SYNE1: variants seen among roughly 807,000 people sequenced by gnomAD.
The protein encoded by SYNE1 is nesprin-1.
In SYNE1, 616 loss-of-function variants were observed where a neutral mutation model predicts 1,111.0. The observed-to-expected ratio is 0.55, with a 90% CI of 0.52 to 0.59. The LOEUF is 0.59. Among genes scored for constraint, SYNE1 ranks in the 20% least tolerant of loss-of-function variants. The pLI is 0.00. For missense variants in SYNE1, 10,006 were observed against 10,417.0 expected (o/e 0.96, Z 1.72); for synonymous variants, 3,855 against 3,825.8 (o/e 1.01, Z -0.28).
At position 152,381,165 on chromosome 6, in the gene SYNE1, C is replaced by T. The variant is rs757434682; in HGVS notation, c.8850G>A (p.Gln2950=). Residue 2950 remains glutamine (Q), a synonymous_variant, in exon 56 of 146, where the codon CAG becomes CAA. Coordinates refer to ENST00000367255, the MANE Select transcript of SYNE1 (RefSeq NM_182961.4). ...TQSCLENLVS[Q]MALSEQEFSG... ...AGAATTCCTGCTCCGAAAGGGCCAT[C>T]TGGCTGACCAGGTTCTCCAAACAGC... 1 of 1,614,244 alleles carries T rather than the reference C, an allele frequency of 6.2e-7. No individual in the cohort carries two copies. Among genetic ancestry groups the T allele is most frequent in the East Asian group, 2.2e-5 (1 of 44,886 alleles).
At chr6:152,507,068 T>C (rs2099061848) in intron 8 of SYNE1, among the ~76,000 whole-genome samples, 1 of 152,228 alleles carries the variant, frequency 6.6e-6, no homozygotes, top group Admixed American at 6.5e-5. Flanking sequence ...ATTTTCAAGC[T>C]TGTCTCTGGT....
chr6:152,430,086 G>A (rs199819317), intron 36 of SYNE1, 26 bp downstream of exon 36: 1 of 1,086,752 alleles, frequency 9.2e-7, no homozygotes, highest in Non-Finnish European at 1.2e-6. Context: ...TTGGTAAATA[G>A]TAGAAATGTT....
intron 141 of SYNE1, among the ~76,000 whole-genome samples, chr6:152,135,856 AG>A (rs1287004797): frequency 7.9e-5 from 12 of 152,270 alleles, no homozygotes; most frequent in Admixed American, 2.0e-4. Context: ...GGACCTACAA[AG>A]CCATCTGGTT....
At chr6:152,431,045 G>A (rs926673782) in intron 34 of SYNE1, among the ~76,000 whole-genome samples, 10 of 152,098 alleles carry the variant, frequency 6.6e-5, no homozygotes, top group African/African-American at 1.4e-4. Flanking sequence ...TGAATTAGGC[G>A]TTTTAATTAA....
chr6:152,330,633 G>T lies in SYNE1; in HGVS notation c.14052C>A (p.Thr4684=), dbSNP rs760213109. ...KEYASLIELT[T]QSLSELEAQF... ...GGGCTTCAAGTTCACTCAGAGACTGGGTTGTCAACTCAATCAAGGAAGCAT... is the reference window on the plus strand; with the variant it reads ...GGGCTTCAAGTTCACTCAGAGACTGTGTTGTCAACTCAATCAAGGAAGCAT... The change falls in exon 78 of 146, where the codon ACC becomes ACA. Residue 4684 remains threonine (T), a synonymous_variant. Coordinates refer to ENST00000367255, the MANE Select transcript of SYNE1 (RefSeq NM_182961.4). 6.2e-7 allele frequency: 1 copy of T among 1,613,574 alleles called. No individual in the cohort carries two copies. Among genetic ancestry groups the T allele is most frequent in the Non-Finnish European group, 8.5e-7 (1 of 1,180,014 alleles).
chr6:152,428,425 C>T (rs749483052), intron 36 of SYNE1, 33 bp from the exon 37 acceptor site: 1 of 1,611,110 alleles, frequency 6.2e-7, no homozygotes, highest in Non-Finnish European at 8.5e-7. Flanking sequence ...GCAGTGAAAG[C>T]ACAGGAGCCA....
Position 152,132,198 on chromosome 6 carries a change from GACC to G in SYNE1, c.26015_26017del (p.Trp8672del), listed in dbSNP as rs750444560. ...TGAGGTGTCCAGTTCATCAGCAGAA[GACC>G]AGGAAGACAAATCCTATGTGGGAGA... On this transcript the variant is annotated inframe_deletion, in exon 144 of 146. Transcript: ENST00000367255. 2.5e-6 allele frequency: 4 copies of G among 1,613,978 alleles called. No individual in the cohort carries two copies. In the African/African-American group the frequency reaches 5.3e-5, roughly 22 times the overall value.
intron 113 of SYNE1, 146 bp from the exon 114 acceptor site, chr6:152,231,713 C>G (rs2082788906): frequency 1.2e-6 from 1 of 844,254 alleles, no homozygotes; most frequent in Admixed American, 2.6e-5. Context: ...GTTCACACAA[C>G]CCATTATTTT....
intron 118 of SYNE1, 90 bp downstream of exon 118, chr6:152,221,336 C>T (rs1357371164): frequency 5.4e-6 from 8 of 1,491,638 alleles, no homozygotes; most frequent in African/African-American, 1.4e-5. Flanking sequence ...ATCTATATAG[C>T]TCAAATTCAA....
At chr6:152,183,829 G>A (rs1307529131) in intron 128 of SYNE1, among the ~76,000 whole-genome samples, 1 of 152,134 alleles carries the variant, frequency 6.6e-6, no homozygotes, top group Non-Finnish European at 1.5e-5. Context: ...CAAATTTGGG[G>A]CACTTGTTTA....
rs756880602 is a variant in SYNE1 at position 152,463,371 on chromosome 6, C to T, written c.2079G>A (p.Leu693=). The change falls in exon 19 of 146, where the codon TTG becomes TTA. Residue 693 remains leucine (L), a synonymous_variant. Coordinates refer to ENST00000367255, the MANE Select transcript of SYNE1 (RefSeq NM_182961.4). The part of the protein sequence containing the change: ...LLLLNGRWRE[L]FMEVKQYAQA... ...GACATACTTGCTTGACTTCCATAAA[C>T]AACTCCCTCCACCGCCCATTTAGCA... The T allele has an allele frequency of 6.2e-7, 1 of 1,613,634 alleles. No individual in the cohort carries two copies. Among genetic ancestry groups the T allele is most frequent in the South Asian group, 1.1e-5 (1 of 91,074 alleles).
rs145539686 is a variant in SYNE1, at chr6:152,334,485, G to A, written c.12529-212C>T. Among the ~76,000 whole-genome samples, 201 of 152,280 alleles carry A rather than the reference G, an allele frequency of 1.3e-3. 1 individual carries two copies. Among genetic ancestry groups the A allele is most frequent in the African/African-American group, 4.5e-3 (188 of 41,558 alleles). On this transcript the variant is annotated intron_variant, in intron 76 of 145. Transcript: ENST00000367255. ...TTAATTCCCACGTGTGCAAGATTCA[G>A]GGTAGCTGTGGTATATTCTTTTATT...
chr6:152,612,313 A>T (rs1402048930), intron 3 of SYNE1, among the ~76,000 whole-genome samples: 1 of 152,170 alleles, frequency 6.6e-6, no homozygotes, highest in Non-Finnish European at 1.5e-5. Flanking sequence ...GATAAAGGGG[A>T]TATCACCACA....
chr6:152,377,630 AAAAAAAAAAAATATATATATAT>A (rs1284874107), intron 56 of SYNE1, among the ~76,000 whole-genome samples: 1 of 97,586 alleles, frequency 1.0e-5, no homozygotes, highest in African/African-American at 4.9e-5. Context: ...AAAAAAAAAA[AAAAAAAAAAAATATATATATAT>A]ATATATATAT....
intron 93 of SYNE1, among the ~76,000 whole-genome samples, chr6:152,295,015 A>C (rs533489593): frequency 8.5e-5 from 13 of 152,320 alleles, no homozygotes; most frequent in African/African-American, 2.9e-4. Flanking sequence ...ATTGAGAATC[A>C]TGTATTGGTA....
chr6:152,430,568 C>T lies in SYNE1; in HGVS notation c.4603G>A (p.Glu1535Lys), dbSNP rs1209224800. 3 of 1,614,136 alleles carry T rather than the reference C, an allele frequency of 1.9e-6. No homozygotes were observed. The highest frequency in any genetic ancestry group is 1.1e-5 in the South Asian group (1 of 91,082). The part of the protein sequence containing the change: ...KLTQIRRYGE[E>K]LREHAQCLEG... ...AGACACTGTGCATGCTCTCGAAGCT[C>T]TTCCCCGTATCTTCTTATTTGTGTC... Residue 1535 changes from glutamate to lysine, a missense_variant, in exon 35 of 146, where the codon GAG (glutamate) becomes AAG (lysine). By Grantham distance (56) the Glu-to-Lys change is moderately conservative. Coordinates refer to ENST00000367255, the MANE Select transcript of SYNE1 (RefSeq NM_182961.4).
intron 3 of SYNE1, among the ~76,000 whole-genome samples, chr6:152,613,140 C>G (rs57427094): frequency 1.3e-5 from 2 of 152,162 alleles, no homozygotes; most frequent in African/African-American, 4.8e-5. Flanking sequence ...GTTGGAAGTT[C>G]TGGCCAGGGC....
intron 129 of SYNE1, among the ~76,000 whole-genome samples, chr6:152,179,745 C>T (rs1487961020): frequency 8.2e-6 from 1 of 121,376 alleles, no homozygotes; most frequent in Non-Finnish European, 1.6e-5. Context: ...AGTGCAGTGG[C>T]ACGATCTCGG....
At chr6:152,430,058 G>A (rs1563959967) in intron 36 of SYNE1, 54 bp downstream of exon 36, 2 of 1,250,034 alleles carry the variant, frequency 1.6e-6, no homozygotes, top group East Asian at 2.5e-5. Flanking sequence ...TTTCAAGTGG[G>A]AATTATCAAA....
Sources: allele counts gnomAD v4.1 joint callset (sites outside exome capture counted in the v4.1 genomes callset), GRCh38; gene constraint gnomAD v4.1.1; transcripts MANE v1.5; gene names NCBI Gene and HGNC (gene_info 2026-07-23, HGNC 2026-07-21).